The following CLSTN1 variants were observed in gnomAD, a reference collection of about 807,000 sequenced individuals.
CLSTN1 encodes calsyntenin-1.
Under a neutral mutation model 108.3 loss-of-function variants are expected in CLSTN1, and 28 were observed. That is an observed-to-expected ratio of 0.26 (90% CI 0.19 to 0.35). CLSTN1 has a LOEUF of 0.35. Among genes scored for constraint, CLSTN1 ranks in the 10% least tolerant of loss-of-function variants. The pLI is 1.00. For synonymous variants in CLSTN1, 524 were observed against 534.9 expected, an observed-to-expected ratio of 0.98 and a Z score of 0.28; for missense variants, 1,157 against 1,302.6, an observed-to-expected ratio of 0.89 and a Z score of 1.72.
intron 1 of CLSTN1, among the ~76,000 whole-genome samples, chr1:9,814,059 G>A (rs530584389): frequency 4.6e-5 from 7 of 151,642 alleles, no homozygotes; most frequent in African/African-American, 9.7e-5. Flanking sequence ...CCAAGATCAC[G>A]CCATTGCACA....
rs56093052 is a variant in CLSTN1, at chr1:9,788,867, CAAA to C, written c.92-15476_92-15474del. Among the ~76,000 whole-genome samples the C allele has an allele frequency of 4.8e-3, 367 of 76,300 alleles. 9 individuals are homozygous for C. In the East Asian group the frequency reaches 0.063, roughly 13 times the overall value. The allele number at this position is 76,300 out of a possible 152,430, so 50.1% of individuals were successfully genotyped here. On this transcript the variant is annotated intron_variant, in intron 1 of 18. Coordinates refer to ENST00000377298, the MANE Select transcript of CLSTN1 (RefSeq NM_001009566.3). ...TGGGCGACAGAGCGAGACTCCGTCT[CAAA>C]AAAAAAAAAAAAAAAAAACAAAAGG... is the stretch of plus-strand genomic sequence containing the variant.
At position 9,749,910 on chromosome 1, in the gene CLSTN1, T is replaced by C; in HGVS notation, c.653A>G (p.Tyr218Cys). ...GTTTAATTTCTCTGTGTTTTTTATA[T>C]AACCTTACAGAGGGCAAAAACAACA... ...DVPFTVDKDGYIKNTEKLNYG... is the reference protein window; with the variant it reads ...DVPFTVDKDGCIKNTEKLNYG... The change falls in exon 6 of 19, where the codon TAT (tyrosine) becomes TGT (cysteine). Residue 218 changes from tyrosine (Y) to cysteine (C), a missense_variant. Tyr to Cys is a radical substitution (Grantham distance 194). Transcript: ENST00000377298. The C allele has an allele frequency of 6.2e-7, 1 of 1,613,698 alleles. No individual in the cohort carries two copies. The highest frequency in any genetic ancestry group is 8.5e-7 in the Non-Finnish European group (1 of 1,179,766).
chr1:9,737,369 T>C (rs765391550), intron 11 of CLSTN1, 129 bp downstream of exon 11: 6 of 810,236 alleles, frequency 7.4e-6, no homozygotes, highest in African/African-American at 5.1e-5. Context: ...GGAAGCGCAA[T>C]GCAGGGAAGC....
rs753270557 is a variant in CLSTN1, at chr1:9,735,902, T to C, written c.1717A>G (p.Ser573Gly). 1.2e-6 allele frequency: 2 copies of C among 1,614,112 alleles called. No homozygotes were observed. Among genetic ancestry groups the C allele is most frequent in the Non-Finnish European group, 1.7e-6 (2 of 1,180,026 alleles). ...GGTGTTACCTGCACGCCTCTGCCAC[T>C]GTCTTCGAGGACCTGCAGGTCCAGC... is the stretch of plus-strand genomic sequence containing the variant. ...EGLDLQVLED[S>G]GRGVQIQAHP... The change falls in exon 12 of 19, where the codon AGT (serine) becomes GGT (glycine). Residue 573 changes from serine (S) to glycine (G), a missense_variant. Ser to Gly is a moderately conservative substitution (Grantham distance 56). Transcript: ENST00000377298.
chr1:9,792,087 C>G (rs1653794666), intron 1 of CLSTN1, among the ~76,000 whole-genome samples: 1 of 150,910 alleles, frequency 6.6e-6, no homozygotes, highest in Non-Finnish European at 1.5e-5. Flanking sequence ...GAGGCTGGGG[C>G]AGGAGAATCA....
intron 1 of CLSTN1, among the ~76,000 whole-genome samples, chr1:9,808,046 C>A (rs1017061118): frequency 6.6e-6 from 1 of 152,216 alleles, no homozygotes; most frequent in Non-Finnish European, 1.5e-5. Context: ...CCTTAACCAG[C>A]GCCTCACCGC....
intron 2 of CLSTN1, among the ~76,000 whole-genome samples, chr1:9,766,717 A>C (rs1652354521): frequency 6.6e-6 from 1 of 152,226 alleles, no homozygotes; most frequent in African/African-American, 2.4e-5. Context: ...ATGACTACTC[A>C]GGCTTTCAGC....
chr1:9,787,548 C>A (rs904797162), intron 1 of CLSTN1, among the ~76,000 whole-genome samples: 4 of 150,794 alleles, frequency 2.7e-5, no homozygotes, highest in Non-Finnish European at 4.4e-5. Flanking sequence ...GGACTACAGG[C>A]ACCTGCCACC....
At chr1:9,797,615 T>C (rs1654067395) in intron 1 of CLSTN1, among the ~76,000 whole-genome samples, 1 of 152,058 alleles carries the variant, frequency 6.6e-6, no homozygotes, top group South Asian at 2.1e-4. Flanking sequence ...CACCCCAGTC[T>C]GGGTGACAAA....
At chr1:9,745,368 G>A (rs1020404358) in intron 7 of CLSTN1, among the ~76,000 whole-genome samples, 1 of 152,102 alleles carries the variant, frequency 6.6e-6, no homozygotes, top group Admixed American at 6.6e-5. Flanking sequence ...TAGAAAAATG[G>A]AGTCCTGGCA....
Position 9,813,920 on chromosome 1 carries a change from A to G in CLSTN1, c.91+9723T>C, listed in dbSNP as rs558330757. On this transcript the variant is annotated intron_variant, in intron 1 of 18. Coordinates refer to ENST00000377298, the MANE Select transcript of CLSTN1 (RefSeq NM_001009566.3). ...CGAGACCATCCTGGCTAACACGATG[A>G]AACCCTGTCTCTACTAAAAATACAA... 2.0e-4 allele frequency among the ~76,000 whole-genome samples: 30 copies of G among 151,890 alleles called. 1 individual carries two copies. The East Asian group carries it at 5.6e-3, about 28-fold the overall frequency.
Position 9,733,490 on chromosome 1 carries a change from A to G in CLSTN1, c.2338T>C (p.Trp780Arg), listed in dbSNP as rs1385969593. 1.9e-6 allele frequency: 3 copies of G among 1,614,210 alleles called. No homozygotes were observed. The East Asian group carries it at 6.7e-5, about 36-fold the overall frequency. The change falls in exon 16 of 19, where the codon TGG becomes CGG. Residue 780 changes from tryptophan (W) to arginine (R), a missense_variant. By Grantham distance (101) the Trp-to-Arg change is moderately radical (BLOSUM62 -3). Transcript: ENST00000377298. ...CGGTCAAGCAAGGACCTGGCATGCCAGTTCCGATAGCGCAGCAGGTGCAAA... is the reference window on the plus strand; with the variant it reads ...CGGTCAAGCAAGGACCTGGCATGCCGGTTCCGATAGCGCAGCAGGTGCAAA... ...EVLHLLRYRN[W>R]HARSLLDRKF...
intron 1 of CLSTN1, among the ~76,000 whole-genome samples, chr1:9,814,247 C>CA (rs558624346): frequency 0.23 from 21,890 of 94,782 alleles, 2,052 homozygotes; most frequent in Admixed American, 0.29. Flanking sequence ...CCATCTCTAC[C>CA]AAAAAAAAAA....
chr1:9,750,086 G>A (rs774698548), intron 5 of CLSTN1, 173 bp from the exon 6 acceptor site: 18 of 580,944 alleles, frequency 3.1e-5, no homozygotes, highest in African/African-American at 9.4e-5. Flanking sequence ...GCCCTAACAC[G>A]CACTAAATCC....
In CLSTN1 at chr1:9,730,422, T is replaced by G; in HGVS notation, c.*86A>C. 1.5e-6 allele frequency: 2 copies of G among 1,321,208 alleles called. No individual in the cohort carries two copies. Among genetic ancestry groups the G allele is most frequent in the East Asian group, 2.3e-5 (1 of 43,444 alleles). The allele number at this position is 1,321,208 out of a possible 1,614,324, so 81.8% of individuals were successfully genotyped here. ...CTGCACACCTACTGGCCGAAATGAC[T>G]TTGTACATCGTGGACCCTTGGGACT... On this transcript the variant is annotated 3_prime_UTR_variant, in exon 19 of 19. Coordinates refer to ENST00000377298, the MANE Select transcript of CLSTN1 (RefSeq NM_001009566.3). This position sits in a 1 kb window ranked among gnomAD's most constrained non-coding sequence, Gnocchi z 5.6.
At chr1:9,794,984 G>A (rs914614867) in intron 1 of CLSTN1, among the ~76,000 whole-genome samples, 5 of 147,186 alleles carry the variant, frequency 3.4e-5, no homozygotes, top group East Asian at 2.0e-4. Flanking sequence ...GTCACCAACT[G>A]ACTAGGATTG....
chr1:9,773,445 C>CGGCCGGGCGCGGTGGCTCACGCCTGT (rs1295806195), intron 1 of CLSTN1, 51 bp from the exon 2 acceptor site: 1 of 1,517,766 alleles, frequency 6.6e-7, no homozygotes, highest in South Asian at 1.3e-5. Flanking sequence ...ATATTATTTT[C>CGGCCGGGCGCGGTGGCTCACGCCTGT]AACTCCACTA....
intron 13 of CLSTN1, 25 bp downstream of exon 13, chr1:9,735,442 C>G: frequency 6.2e-7 from 1 of 1,614,060 alleles, no homozygotes; most frequent in Non-Finnish European, 8.5e-7. Flanking sequence ...GCAAAACAGG[C>G]CGGCTGTTAA....
chr1:9,764,354 G>A (rs1355460469), intron 2 of CLSTN1, among the ~76,000 whole-genome samples: 1 of 152,078 alleles, frequency 6.6e-6, no homozygotes, highest in African/African-American at 2.4e-5. Flanking sequence ...TCAAGTTTCA[G>A]TTAGGGGCAC....
Sources: allele counts gnomAD v4.1 joint callset (sites outside exome capture counted in the v4.1 genomes callset), GRCh38; gene constraint gnomAD v4.1.1; non-coding constraint Gnocchi (gnomAD v3.1); transcripts MANE v1.5; gene names NCBI Gene and HGNC (gene_info 2026-07-23, HGNC 2026-07-21).